The following ASAH2 variants were observed in gnomAD, a reference collection of about 807,000 sequenced individuals.
ASAH2 encodes neutral ceramidase.
A neutral mutation model predicts 82.9 loss-of-function variants in ASAH2; 58 were observed. The ratio of observed to expected loss-of-function variants is 0.70; its 90% confidence interval spans 0.57 to 0.87. The LOEUF (loss-of-function observed/expected upper bound fraction) is 0.87. ASAH2 is among the 40% of genes least tolerant of loss of function. The probability of loss-of-function intolerance (pLI) is 0.00; values close to 1 mark genes in which losing one functional copy is unlikely to be tolerated. For synonymous variants in ASAH2, 276 were observed against 289.7 expected, an observed-to-expected ratio of 0.95 and a Z score of 0.48; for missense variants, 779 against 834.0, an observed-to-expected ratio of 0.93 and a Z score of 0.81.
chr10:50,198,314 A>G (rs1845045161), intron 17 of ASAH2: 1 of 152,028 alleles, frequency 6.6e-6, no homozygotes, highest in Non-Finnish European at 1.5e-5. Flanking sequence ...CTGACATCAC[A>G]GTTGCAGCTT....
chr10:50,206,032 C>T lies in ASAH2; in HGVS notation c.1480G>A (p.Glu494Lys). Residue 494 changes from glutamate (E) to lysine (K), a missense_variant, in exon 13 of 21, where the codon GAA becomes AAA. Coordinates refer to ENST00000682911, the MANE Select transcript of ASAH2 (RefSeq NM_019893.4). ...RDQILGKPSE[E>K]IKECHKPKPI... ...TTTGGTTTATGACATTCTTTAATTT[C>T]TTCAGATGGCTTTCCCAGGATCTGG... 1 of 1,612,622 alleles carries T rather than the reference C, an allele frequency of 6.2e-7. No homozygotes were observed. The highest frequency in any genetic ancestry group is 1.7e-5 in the Admixed American group (1 of 59,910).
chr10:50,208,745 T>A (rs1344812708), intron 12 of ASAH2, among the ~76,000 whole-genome samples: 4 of 152,270 alleles, frequency 2.6e-5, no homozygotes, highest in Admixed American at 2.6e-4. Flanking sequence ...CCCAAATTAA[T>A]CTGTAAATTC....
At chr10:50,219,648 A>G (rs1845692668) in intron 7 of ASAH2, among the ~76,000 whole-genome samples, 2 of 152,242 alleles carry the variant, frequency 1.3e-5, no homozygotes, top group Admixed American at 6.5e-5. Flanking sequence ...TTACATTCCT[A>G]CCTAAGCAAT....
chr10:50,188,118 G>GT (rs1844795193), intron 20 of ASAH2, among the ~76,000 whole-genome samples: 1 of 114,042 alleles, frequency 8.8e-6, no homozygotes, highest in Middle Eastern at 3.7e-3. Context: ...CAAGATGGAA[G>GT]TTTTTTAGGG....
At chr10:50,200,462 T>A (rs1479774273) in intron 16 of ASAH2, among the ~76,000 whole-genome samples, 2 of 152,032 alleles carry the variant, frequency 1.3e-5, no homozygotes, top group Non-Finnish European at 2.9e-5. Context: ...CTATATAGGA[T>A]ACATTCTTAC....
At chr10:50,227,047 A>G (rs564702890) in intron 7 of ASAH2, among the ~76,000 whole-genome samples, 4,348 of 152,302 alleles carry the variant, frequency 0.029, 117 homozygotes, top group Middle Eastern at 0.12. Flanking sequence ...CAAATAGCAC[A>G]AAGTGAGGAG....
intron 12 of ASAH2, among the ~76,000 whole-genome samples, chr10:50,207,629 A>G (rs901951498): frequency 2.9e-4 from 17 of 58,930 alleles, no homozygotes; most frequent in Non-Finnish European, 8.8e-4. Context: ...AGAAATAGGC[A>G]ATCTAAAAAA....
At chr10:50,230,748 G>T (rs1291805823) in intron 7 of ASAH2, among the ~76,000 whole-genome samples, 1 of 152,034 alleles carries the variant, frequency 6.6e-6, no homozygotes, top group Non-Finnish European at 1.5e-5. Flanking sequence ...GTTATTAAAT[G>T]ATTCAAAAAC....
In ASAH2 at chr10:50,214,866, C is replaced by G; in HGVS notation, c.1017G>C (p.Gly339=). ...EKNKGYLPGQ[G]PFVAAFASSN... ...ATGAAGCAAAGGCTGCTACAAATGGCCCCTGCCAAAAGAAATGCCAAGTTG... is the reference window on the plus strand; with the variant it reads ...ATGAAGCAAAGGCTGCTACAAATGGGCCCTGCCAAAAGAAATGCCAAGTTG... Residue 339 remains glycine, a splice_region_variant and synonymous_variant, in exon 9 of 21, where the codon GGG becomes GGC. Transcript: ENST00000682911. 6.2e-7 allele frequency: 1 copy of G among 1,613,336 alleles called. No homozygotes were observed. Among genetic ancestry groups the G allele is most frequent in the African/African-American group, 1.3e-5 (1 of 75,014 alleles).
At chr10:50,196,115 C>G (rs1162675606) in intron 18 of ASAH2, among the ~76,000 whole-genome samples, 1 of 151,468 alleles carries the variant, frequency 6.6e-6, no homozygotes, top group African/African-American at 2.4e-5. Context: ...GAGCCATTCC[C>G]CATGTATACA....
chr10:50,239,845 T>TTTTTTTTTTG (rs1846249658), intron 4 of ASAH2, among the ~76,000 whole-genome samples: 1 of 141,208 alleles, frequency 7.1e-6, no homozygotes, highest in Non-Finnish European at 1.5e-5. Flanking sequence ...TTTTTTTTTT[T>TTTTTTTTTTG]TTGAGTCAGA....
chr10:50,233,503 A>C (rs1197110698), intron 6 of ASAH2, among the ~76,000 whole-genome samples: 1 of 152,164 alleles, frequency 6.6e-6, no homozygotes, highest in Non-Finnish European at 1.5e-5. Context: ...ACATATTTTT[A>C]TATAACATAC....
At chr10:50,220,552 T>C (rs962990217) in intron 7 of ASAH2, among the ~76,000 whole-genome samples, 1 of 152,094 alleles carries the variant, frequency 6.6e-6, no homozygotes, top group Non-Finnish European at 1.5e-5. Flanking sequence ...AAATACCACA[T>C]GTTCTCACTT....
chr10:50,225,683 T>C (rs1264999361), intron 7 of ASAH2, among the ~76,000 whole-genome samples: 2 of 151,876 alleles, frequency 1.3e-5, no homozygotes, highest in African/African-American at 4.8e-5. Context: ...AACAAAGGGG[T>C]GTTGGGCAAT....
chr10:50,225,265 AAT>A (rs1189075252), intron 7 of ASAH2, among the ~76,000 whole-genome samples: 2 of 152,054 alleles, frequency 1.3e-5, no homozygotes, highest in Admixed American at 6.5e-5. Context: ...AAAATATAAA[AAT>A]TAGCCGGGAA....
chr10:50,245,111 A>T lies in ASAH2; in HGVS notation c.360+111T>A, dbSNP rs572690823. 3.4e-4 allele frequency: 342 copies of T among 992,082 alleles called. 4 individuals carry two copies. In the South Asian group the frequency reaches 5.1e-3, roughly 15 times the overall value. The allele number at this position is 992,082 out of a possible 1,614,324, so 61.5% of individuals were successfully genotyped here. A position where few individuals can be genotyped will look rare whatever the true frequency, so the allele number is the denominator to read the frequency against. ...CTAGACAGCAGCAAGGTCAATTAAA[A>T]AGCTAAAAGAAGATAATGATGATGT... On this transcript the variant is annotated intron_variant, in intron 3 of 20. Transcript: ENST00000682911.
chr10:50,246,070 GTGTA>G (rs1285465019), intron 2 of ASAH2, among the ~76,000 whole-genome samples: 10 of 151,928 alleles, frequency 6.6e-5, no homozygotes, highest in African/African-American at 2.4e-4. Flanking sequence ...ATATCTTTAT[GTGTA>G]TGTATTTATA....
At chr10:50,223,055 C>G (rs1845787378) in intron 7 of ASAH2, among the ~76,000 whole-genome samples, 2 of 152,076 alleles carry the variant, frequency 1.3e-5, no homozygotes, top group African/African-American at 2.4e-5. Flanking sequence ...AAAAATACAG[C>G]AGAAAGTCAA....
intron 7 of ASAH2, among the ~76,000 whole-genome samples, chr10:50,231,820 A>T (rs1182142658): frequency 3.9e-5 from 6 of 152,186 alleles, no homozygotes; most frequent in African/African-American, 1.4e-4. Flanking sequence ...TATGCTGGTA[A>T]TGGAATTATT....
Sources: allele counts gnomAD v4.1 joint callset (sites outside exome capture counted in the v4.1 genomes callset), GRCh38; gene constraint gnomAD v4.1.1; transcripts MANE v1.5; gene names NCBI Gene and HGNC (gene_info 2026-07-23, HGNC 2026-07-21).